Variants in PARP15 observed in about 807,000 individuals in gnomAD.
PARP15 encodes the protein protein mono-ADP-ribosyltransferase PARP15.
A neutral mutation model predicts 62.1 loss-of-function variants in PARP15; 50 were observed. The observed-to-expected ratio is 0.81, with a 90% confidence interval of 0.64 to 1.02. PARP15 has a LOEUF of 1.02. Ranked by LOEUF, PARP15 falls within the 50% of genes least tolerant of loss-of-function variation. PARP15 has a pLI of 0.00. For missense variants in PARP15, 820 were observed against 826.5 expected, an observed-to-expected ratio of 0.99 and a Z score of 0.10; for synonymous variants, 309 against 293.1, an observed-to-expected ratio of 1.05 and a Z score of -0.55.
Position 122,636,098 on chromosome 3 carries a change from T to G in PARP15, c.2035T>G (p.Ter679GluextTer14). The stretch of plus-strand genomic sequence containing the variant: ...AGAATATCTCATAACTTTCACGGCT[T>G]AAAAATATTTTTATCATCAAAGAGA... ...YPEYLITFTA[*>E] Residue 679 changes from the stop codon to glutamate, a stop_lost, in exon 12 of 12, where the codon TAA becomes GAA. Transcript: ENST00000464300. 2 of 1,606,704 alleles carry G rather than the reference T, an allele frequency of 1.2e-6. No homozygotes were observed. Among genetic ancestry groups the G allele is most frequent in the South Asian group, 2.2e-5 (2 of 90,660 alleles).
intron 1 of PARP15, among the ~76,000 whole-genome samples, chr3:122,596,989 C>T (rs1212172174): frequency 1.3e-5 from 2 of 152,296 alleles, no homozygotes; most frequent in East Asian, 3.9e-4. Context: ...GTGTCTTAGT[C>T]TGTTCAGGCT....
intron 1 of PARP15, among the ~76,000 whole-genome samples, chr3:122,580,507 A>G (rs540268274): frequency 1.3e-5 from 2 of 152,340 alleles, no homozygotes; most frequent in Admixed American, 1.3e-4. Context: ...TTACCGTCTT[A>G]ACCATTTTTA....
chr3:122,622,343 A>G (rs574076872), intron 8 of PARP15, among the ~76,000 whole-genome samples: 1 of 151,502 alleles, frequency 6.6e-6, no homozygotes, highest in Admixed American at 6.6e-5. Flanking sequence ...GAAAACAGAC[A>G]CTCCTCTTGA....
At chr3:122,605,030 C>T (rs1473090999) in intron 1 of PARP15, among the ~76,000 whole-genome samples, 1 of 151,790 alleles carries the variant, frequency 6.6e-6, no homozygotes, top group Non-Finnish European at 1.5e-5. Flanking sequence ...AGCAACACTC[C>T]ATCTCAGAAA....
chr3:122,590,137 C>T (rs1314700954), intron 1 of PARP15, among the ~76,000 whole-genome samples: 3 of 151,934 alleles, frequency 2.0e-5, no homozygotes, highest in African/African-American at 4.8e-5. Flanking sequence ...CCACCCGCCT[C>T]GGCCTCCCAA....
chr3:122,635,001 T>C lies in PARP15; in HGVS notation c.1573-19T>C, dbSNP rs185144179. 1,110 of 1,612,652 alleles carry C rather than the reference T, an allele frequency of 6.9e-4. No homozygotes were observed. Among genetic ancestry groups the C allele is most frequent in the Non-Finnish European group, 8.6e-4 (1,010 of 1,179,452 alleles). ...CCCCAAGGTCCTTTCTGAAATATTT[T>C]GTCTTTTGTTACCTGCAGATTGAGA... On this transcript the variant is annotated intron_variant, in intron 10 of 11. Transcript: ENST00000464300.
intron 8 of PARP15, 54 bp from the exon 9 acceptor site, chr3:122,626,773 C>G: frequency 6.6e-7 from 1 of 1,518,330 alleles, no homozygotes. Context: ...TGCCATATTT[C>G]ATCATATTAG....
chr3:122,613,317 G>A lies in PARP15; in HGVS notation c.771+49G>A, dbSNP rs1215637119. ...TTAATTCTGGCAAGTGAACCCAAGC[G>A]CATTCAGATGTTTTTATAGATCTAG... On this transcript the variant is annotated intron_variant, in intron 4 of 11. Coordinates refer to ENST00000464300, the MANE Select transcript of PARP15 (RefSeq NM_001113523.3). 12 of 1,400,912 alleles carry A rather than the reference G, an allele frequency of 8.6e-6. 1 individual carries two copies. The highest frequency in any genetic ancestry group is 3.7e-5 in the South Asian group (3 of 80,666). 86.8% of individuals were successfully genotyped at this position (1,400,912 alleles called of 1,614,324 possible).
chr3:122,598,878 T>C (rs1934566176), intron 1 of PARP15, among the ~76,000 whole-genome samples: 1 of 152,094 alleles, frequency 6.6e-6, no homozygotes, highest in African/African-American at 2.4e-5. Flanking sequence ...TTTATTTTTA[T>C]TTTATTCTTT....
At chr3:122,603,428 A>G (rs1186215363) in intron 1 of PARP15, among the ~76,000 whole-genome samples, 1 of 152,162 alleles carries the variant, frequency 6.6e-6, no homozygotes, top group Non-Finnish European at 1.5e-5. Context: ...TTGTGTCTAA[A>G]TATCAAGTCA....
intron 1 of PARP15, among the ~76,000 whole-genome samples, chr3:122,602,780 G>C (rs930924467): frequency 6.6e-6 from 1 of 152,202 alleles, no homozygotes; most frequent in Non-Finnish European, 1.5e-5. Flanking sequence ...ACGAATGTCA[G>C]TGGGAAAATC....
chr3:122,633,459 C>A (rs1427709356), intron 10 of PARP15, among the ~76,000 whole-genome samples: 1 of 152,090 alleles, frequency 6.6e-6, no homozygotes, highest in Admixed American at 6.5e-5. Flanking sequence ...TTTCAACCAA[C>A]CTCGGATGGA....
chr3:122,629,578 G>A (rs571778755), intron 9 of PARP15, among the ~76,000 whole-genome samples: 18 of 152,204 alleles, frequency 1.2e-4, no homozygotes, highest in South Asian at 6.2e-4. Flanking sequence ...AATTTTCCAC[G>A]GACTGGGTTA....
rs146443072 is a variant in PARP15, at chr3:122,606,159, A to T, written c.306+104A>T. The T allele has an allele frequency of 3.3e-3, 4,373 of 1,309,940 alleles. 112 individuals carry two copies. The African/African-American group carries it at 0.052, about 16-fold the overall frequency. 81.1% of individuals were successfully genotyped at this position (1,309,940 alleles called of 1,614,324 possible). On this transcript the variant is annotated intron_variant, in intron 2 of 11. Transcript: ENST00000464300. ...AATTTGTTCTTTATCTTAATCAAAG[A>T]TTAAAGATATCAAAGATAAATTTGA...
At chr3:122,613,511 G>A (rs974661538) in intron 4 of PARP15, among the ~76,000 whole-genome samples, 1 of 152,126 alleles carries the variant, frequency 6.6e-6, no homozygotes, top group Non-Finnish European at 1.5e-5. Context: ...GAAAGTTATT[G>A]GCATAAAAAT....
chr3:122,636,037 G>A lies in PARP15; in HGVS notation c.1974G>A (p.Lys658=). 1 of 1,613,580 alleles carries A rather than the reference G, an allele frequency of 6.2e-7. No individual in the cohort carries two copies. Among genetic ancestry groups the A allele is most frequent in the South Asian group, 1.1e-5 (1 of 91,070 alleles). The change falls in exon 12 of 12, where the codon AAG becomes AAA. Residue 658 remains lysine (K), a synonymous_variant. Coordinates refer to ENST00000464300, the MANE Select transcript of PARP15 (RefSeq NM_001113523.3). ...DSVTNNTRSP[K]LFVVFFDNQA... is the part of the protein sequence containing the mutation. ...TGACAAACAATACACGATCTCCAAAGCTATTTGTGGTATTCTTTGATAATC... is the reference window on the plus strand; with the variant it reads ...TGACAAACAATACACGATCTCCAAAACTATTTGTGGTATTCTTTGATAATC...
Position 122,635,942 on chromosome 3 carries a change from A to G in PARP15, c.1879A>G (p.Lys627Glu), listed in dbSNP as rs751391745. 6.2e-7 allele frequency: 1 copy of G among 1,614,134 alleles called. No individual in the cohort carries two copies. The highest frequency in any genetic ancestry group is 1.1e-5 in the South Asian group (1 of 91,072). Residue 627 changes from lysine (K) to glutamate (E), a missense_variant, in exon 12 of 12, where the codon AAG (lysine) becomes GAG (glutamate). By Grantham distance (56) the Lys-to-Glu change is moderately conservative (BLOSUM62 1). Coordinates refer to ENST00000464300, the MANE Select transcript of PARP15 (RefSeq NM_001113523.3). ...GCGAGTACTTACTGGAGTCTTCACAAAGGGACGTGCAGGATTAGTCACCCC... is the reference window on the plus strand; with the variant it reads ...GCGAGTACTTACTGGAGTCTTCACAGAGGGACGTGCAGGATTAGTCACCCC... ...VVRVLTGVFT[K>E]GRAGLVTPPP...
chr3:122,604,881 C>T lies in PARP15; in HGVS notation c.187-1055C>T, dbSNP rs141418153. On this transcript the variant is annotated intron_variant, in intron 1 of 11. Coordinates refer to ENST00000464300, the MANE Select transcript of PARP15 (RefSeq NM_001113523.3). ...GTTCAAAAAGAAAAGAAAAAAAATA[C>T]AGAAATTAGCGGGGTGTGGTGGTGT... Among the ~76,000 whole-genome samples, 483 of 148,508 alleles carry T rather than the reference C, an allele frequency of 3.3e-3. 2 individuals are homozygous for T. The highest frequency in any genetic ancestry group is 0.011 in the African/African-American group (461 of 40,204).
chr3:122,619,914 CAGG>C (rs1311197033), intron 7 of PARP15, 71 bp downstream of exon 7: 5 of 1,382,328 alleles, frequency 3.6e-6, no homozygotes, highest in Non-Finnish European at 5.2e-6. Context: ...AGAGGATGTA[CAGG>C]AGGACTGGAG....
Sources: gnomAD v4.1 joint callset for allele counts (sites outside exome capture counted in the v4.1 genomes callset) on GRCh38, gnomAD v4.1.1 for gene constraint, MANE v1.5 for transcripts, NCBI Gene and HGNC (gene_info 2026-07-23, HGNC 2026-07-21) for gene names.